Variants in SPIDR observed in about 807,000 individuals in gnomAD.
The protein encoded by SPIDR is DNA repair-scaffolding protein.
A neutral mutation model predicts 104.6 loss-of-function variants in SPIDR; 93 were observed. The observed-to-expected ratio is 0.89, with a 90% confidence interval of 0.75 to 1.06. SPIDR has a LOEUF of 1.06. SPIDR is among the 50% of genes least tolerant of loss of function. The probability of loss-of-function intolerance (pLI) is 0.00; values close to 1 mark genes in which losing one functional copy is unlikely to be tolerated. For missense variants in SPIDR, 1,154 were observed against 1,111.2 expected (o/e 1.04, Z -0.55); for synonymous variants, 431 against 416.9 (o/e 1.03, Z -0.41).
In SPIDR at chr8:47,507,413, C is replaced by T. The variant is rs149365021; in HGVS notation, c.1097+66871C>T. Among the ~76,000 whole-genome samples, 384 of 152,348 alleles carry T rather than the reference C, an allele frequency of 2.5e-3. 2 individuals carry two copies. The highest frequency in any genetic ancestry group is 4.0e-3 in the Non-Finnish European group (273 of 68,038). ...GCCATGGGAAGCTCTGCTCCTCTGT[C>T]AGGGCCTTCTGTGAAGGAAGCTGCA... On this transcript the variant is annotated intron_variant, in intron 8 of 19. Transcript: ENST00000297423.
intron 12 of SPIDR, 21 bp from the exon 13 acceptor site, chr8:47,701,700 A>C (rs773146516): frequency 6.2e-7 from 1 of 1,611,532 alleles, no homozygotes; most frequent in Non-Finnish European, 8.5e-7. Context: ...TTCACCTTCT[A>C]CCTTTGTCTC....
intron 8 of SPIDR, chr8:47,511,172 T>A: frequency 1.9e-6 from 3 of 1,561,656 alleles, no homozygotes; most frequent in Non-Finnish European, 2.6e-6. Flanking sequence ...GCATCCACAA[T>A]GAAGAGTTGG....
chr8:47,692,771 G>A (rs1036749033), intron 11 of SPIDR, among the ~76,000 whole-genome samples: 15 of 152,082 alleles, frequency 9.9e-5, no homozygotes, highest in African/African-American at 3.6e-4. Flanking sequence ...TTTTATGGCT[G>A]AATAATATTT....
chr8:47,593,261 G>A (rs959096550), intron 8 of SPIDR, among the ~76,000 whole-genome samples: 8 of 151,434 alleles, frequency 5.3e-5, no homozygotes, highest in East Asian at 3.9e-4. Flanking sequence ...TTTTATCTTC[G>A]ACTTTATTGA....
intron 10 of SPIDR, among the ~76,000 whole-genome samples, chr8:47,654,499 G>A (rs945862295): frequency 2.0e-5 from 3 of 152,164 alleles, no homozygotes; most frequent in Non-Finnish European, 4.4e-5. Context: ...TCTAGAGAAA[G>A]AGAGATACTG....
intron 8 of SPIDR, among the ~76,000 whole-genome samples, chr8:47,541,043 A>G (rs1371247597): frequency 6.6e-6 from 1 of 152,100 alleles, no homozygotes; most frequent in African/African-American, 2.4e-5. Context: ...TATTTTTAAT[A>G]GAGGTGGGGT....
At chr8:47,554,628 C>T (rs1353519853) in intron 8 of SPIDR, among the ~76,000 whole-genome samples, 1 of 152,140 alleles carries the variant, frequency 6.6e-6, no homozygotes, top group African/African-American at 2.4e-5. Flanking sequence ...GGTAGTGTCC[C>T]GATTTTCTAG....
intron 5 of SPIDR, among the ~76,000 whole-genome samples, chr8:47,354,167 C>T (rs1563719320): frequency 6.6e-6 from 1 of 152,074 alleles, no homozygotes; most frequent in Non-Finnish European, 1.5e-5. Flanking sequence ...AATATATTCA[C>T]AAAGTGCCTT....
chr8:47,396,717 A>T (rs1466331230), intron 6 of SPIDR, 91 bp downstream of exon 6: 3 of 1,301,974 alleles, frequency 2.3e-6, no homozygotes, highest in Non-Finnish European at 3.2e-6. Flanking sequence ...AGATACTTGT[A>T]TATGAAGTCC....
intron 10 of SPIDR, among the ~76,000 whole-genome samples, chr8:47,664,333 G>A (rs1461785279): frequency 1.3e-5 from 2 of 152,112 alleles, no homozygotes; most frequent in African/African-American, 2.4e-5. Flanking sequence ...AATAGAAACT[G>A]CATTTGGAGA....
At chr8:47,515,165 G>C (rs940162396) in intron 8 of SPIDR, among the ~76,000 whole-genome samples, 1 of 152,158 alleles carries the variant, frequency 6.6e-6, no homozygotes, top group African/African-American at 2.4e-5. Context: ...ACTGATTCTA[G>C]TGTGCTTTCT....
At chr8:47,386,105 T>C (rs1220971701) in intron 5 of SPIDR, among the ~76,000 whole-genome samples, 1 of 152,054 alleles carries the variant, frequency 6.6e-6, no homozygotes, top group Non-Finnish European at 1.5e-5. Context: ...TAAGTTTCTT[T>C]TGCACTCTTA....
chr8:47,457,479 G>A (rs1297574069), intron 8 of SPIDR, among the ~76,000 whole-genome samples: 2 of 152,002 alleles, frequency 1.3e-5, no homozygotes, highest in African/African-American at 4.8e-5. Context: ...TGAGTTCCTT[G>A]TAGATTCTGG....
chr8:47,299,608 A>G (rs2041632280), intron 5 of SPIDR, among the ~76,000 whole-genome samples: 1 of 152,156 alleles, frequency 6.6e-6, no homozygotes, highest in Non-Finnish European at 1.5e-5. Context: ...AGCTCTTATT[A>G]TTTTGAGATA....
In SPIDR at chr8:47,282,733, C is replaced by T. The variant is rs1554559668; in HGVS notation, c.190-1295C>T. ...CTGGAGTAGCACTTTCAATTTCGTT[C>T]AAGAGCTTCCCTTTGTATTCACAAC... is the stretch of plus-strand genomic sequence containing the variant. On this transcript the variant is annotated intron_variant, in intron 2 of 19. Coordinates refer to ENST00000297423, the MANE Select transcript of SPIDR (RefSeq NM_001080394.4). Among the ~76,000 whole-genome samples, 1,102 of 152,340 alleles carry T rather than the reference C, an allele frequency of 7.2e-3. 9 individuals carry two copies. Among genetic ancestry groups the T allele is most frequent in the Middle Eastern group, 0.01 (3 of 294 alleles).
At chr8:47,592,573 G>C (rs2061160753) in intron 8 of SPIDR, 3 of 1,285,566 alleles carry the variant, frequency 2.3e-6, no homozygotes, top group Non-Finnish European at 3.3e-6. Flanking sequence ...GCAAACCCTG[G>C]GTTTCCTTGA....
intron 8 of SPIDR, among the ~76,000 whole-genome samples, chr8:47,507,092 GAC>G (rs1426221384): frequency 6.6e-6 from 1 of 152,132 alleles, no homozygotes; most frequent in Non-Finnish European, 1.5e-5. Flanking sequence ...CATTCAGATG[GAC>G]ACCGTATCTG....
intron 6 of SPIDR, among the ~76,000 whole-genome samples, chr8:47,397,676 A>G (rs1554659403): frequency 6.6e-6 from 1 of 152,214 alleles, no homozygotes; most frequent in Non-Finnish European, 1.5e-5. Flanking sequence ...CCAGCCTGGC[A>G]TGCACTGAGG....
At chr8:47,439,057 T>C (rs2068889601) in intron 7 of SPIDR, among the ~76,000 whole-genome samples, 1 of 152,168 alleles carries the variant, frequency 6.6e-6, no homozygotes, top group Non-Finnish European at 1.5e-5. Context: ...AGTTTATGTA[T>C]TTTTTTATTT....
Sources: gnomAD v4.1 joint callset for allele counts (sites outside exome capture counted in the v4.1 genomes callset) on GRCh38, gnomAD v4.1.1 for gene constraint, MANE v1.5 for transcripts, NCBI Gene and HGNC (gene_info 2026-07-23, HGNC 2026-07-21) for gene names.